AGAP1: variants seen among roughly 807,000 people sequenced by gnomAD.
AGAP1 encodes the protein ArfGAP with GTPase domain, ankyrin repeat and PH domain 1.
Under a neutral mutation model 105.3 loss-of-function variants are expected in AGAP1, and 29 were observed. The ratio of observed to expected loss-of-function variants is 0.28; its 90% CI spans 0.21 to 0.38. The LOEUF is 0.38. Ranked by LOEUF, AGAP1 falls within the 10% of genes least tolerant of loss-of-function variation. The pLI is 1.00. For synonymous variants in AGAP1, 509 were observed against 485.9 expected (o/e 1.05, Z -0.63); for missense variants, 998 against 1,165.1 (o/e 0.86, Z 2.09).
At position 235,866,622 on chromosome 2, in the gene AGAP1, G is replaced by C. The variant is rs201342038; in HGVS notation, c.1051-16723G>C. 3.3e-5 allele frequency among the ~76,000 whole-genome samples: 5 copies of C among 152,230 alleles called. No individual in the cohort carries two copies. Among genetic ancestry groups the C allele is most frequent in the Non-Finnish European group, 7.3e-5 (5 of 68,050 alleles). On this transcript the variant is annotated intron_variant, in intron 9 of 17. Coordinates refer to ENST00000304032, the MANE Select transcript of AGAP1 (RefSeq NM_001037131.3). This position sits in a 1 kb window ranked among gnomAD's most constrained non-coding sequence, Gnocchi z 6.1. ...GCACAGCCTGTTCATGCACCTGTGTGTGTGAGTCAGCTCAAACTGCCATAA... is the reference window on the plus strand; with the variant it reads ...GCACAGCCTGTTCATGCACCTGTGTCTGTGAGTCAGCTCAAACTGCCATAA...
Position 235,962,928 on chromosome 2 carries a change from A to G in AGAP1, c.1484-5534A>G, listed in dbSNP as rs1376648767. The stretch of plus-strand genomic sequence containing the variant: ...TTGATACCCAGAAACGTCTCCAGCC[A>G]TTGCCAGAGGTCCTGGGTGGGGGTT... On this transcript the variant is annotated intron_variant, in intron 12 of 17. Coordinates refer to ENST00000304032, the MANE Select transcript of AGAP1 (RefSeq NM_001037131.3). This position sits in a 1 kb window ranked among gnomAD's most constrained non-coding sequence, Gnocchi z 5.3. Among the ~76,000 whole-genome samples, 1 of 152,080 alleles carries G rather than the reference A, an allele frequency of 6.6e-6. No homozygotes were observed. Among genetic ancestry groups the G allele is most frequent in the African/African-American group, 2.4e-5 (1 of 41,412 alleles).
chr2:236,043,285 G>A (rs1244483927), intron 15 of AGAP1, among the ~76,000 whole-genome samples: 1 of 152,334 alleles, frequency 6.6e-6, no homozygotes, highest in East Asian at 1.9e-4. Context: ...CAATGGGATT[G>A]AGTAAGGCGG....
intron 1 of AGAP1, among the ~76,000 whole-genome samples, chr2:235,595,024 G>T (rs1161710170): frequency 6.6e-6 from 1 of 151,932 alleles, no homozygotes; most frequent in Non-Finnish European, 1.5e-5. Flanking sequence ...GCACCTCCCG[G>T]CATGTGGACG....
chr2:235,933,067 G>A (rs887401463), intron 12 of AGAP1, among the ~76,000 whole-genome samples: 4 of 152,220 alleles, frequency 2.6e-5, no homozygotes, highest in Admixed American at 2.0e-4. Context: ...GATGCCCCAG[G>A]TGTCAGCCTG....
intron 12 of AGAP1, among the ~76,000 whole-genome samples, chr2:235,941,959 T>A (rs139263143): frequency 6.6e-6 from 1 of 152,186 alleles, no homozygotes; most frequent in Admixed American, 6.5e-5. Flanking sequence ...TTGCCCGTGA[T>A]CCTGAGCCAG....
intron 1 of AGAP1, among the ~76,000 whole-genome samples, chr2:235,497,092 G>A (rs757528653): frequency 1.3e-5 from 2 of 152,188 alleles, no homozygotes; most frequent in Non-Finnish European, 2.9e-5. Flanking sequence ...ATTTTTGCAT[G>A]TATAGTCTCA....
chr2:235,794,130 C>A (rs1471490303), intron 6 of AGAP1, among the ~76,000 whole-genome samples: 1 of 152,158 alleles, frequency 6.6e-6, no homozygotes, highest in African/African-American at 2.4e-5. Context: ...CCTTCTGACC[C>A]CATGGTGAGG....
At chr2:235,512,305 T>C (rs568778240) in intron 1 of AGAP1, among the ~76,000 whole-genome samples, 61 of 152,276 alleles carry the variant, frequency 4.0e-4, no homozygotes, top group Non-Finnish European at 7.6e-4. Flanking sequence ...GACATAAGAA[T>C]AAGAAAATTG....
chr2:235,702,934 G>GTTTTTTTTGTTTTTT lies in AGAP1; in HGVS notation c.164-6237_164-6236insGTTTTTTTTTTTTTT, dbSNP rs1950326916. ...TGGTCACTGTGAGCCAGTTTTCTTG[G>GTTTTTTTTGTTTTTT]TTTTTTTTTTTTGGACAGAGTCTGG... On this transcript the variant is annotated intron_variant, in intron 1 of 17. Coordinates refer to ENST00000304032, the MANE Select transcript of AGAP1 (RefSeq NM_001037131.3). 2.2e-5 allele frequency among the ~76,000 whole-genome samples: 2 copies of GTTTTTTTTGTTTTTT among 88,946 alleles called. 1 individual carries two copies. The highest frequency in any genetic ancestry group is 1.2e-3 in the East Asian group (2 of 1,736). 58.4% of individuals were successfully genotyped at this position (88,946 alleles called of 152,430 possible).
intron 1 of AGAP1, among the ~76,000 whole-genome samples, chr2:235,619,720 A>G (rs1327819466): frequency 6.6e-6 from 1 of 152,198 alleles, no homozygotes; most frequent in Non-Finnish European, 1.5e-5. Flanking sequence ...GATTGCCAAG[A>G]GGCGGCCAGC....
Position 235,882,667 on chromosome 2 carries a change from A to G in AGAP1, c.1051-678A>G, listed in dbSNP as rs1002409608. 6.6e-6 allele frequency among the ~76,000 whole-genome samples: 1 copy of G among 152,040 alleles called. No homozygotes were observed. Among genetic ancestry groups the G allele is most frequent in the East Asian group, 1.9e-4 (1 of 5,180 alleles). ...TTAGTAGAGACAGGGTTTCACCAATATTGGCCATGGTTGGCCAGGCTGGCC... is the reference window on the plus strand; with the variant it reads ...TTAGTAGAGACAGGGTTTCACCAATGTTGGCCATGGTTGGCCAGGCTGGCC... On this transcript the variant is annotated intron_variant, in intron 9 of 17. Transcript: ENST00000304032. This position sits in a 1 kb window ranked among gnomAD's most constrained non-coding sequence, Gnocchi z 4.6.
chr2:236,028,386 G>A (rs187096643), intron 13 of AGAP1, among the ~76,000 whole-genome samples: 37 of 152,238 alleles, frequency 2.4e-4, no homozygotes, highest in African/African-American at 7.7e-4. Flanking sequence ...GAGTGGCTGC[G>A]GATACCAAGT....
In AGAP1 at chr2:235,792,177, T is replaced by C. The variant is rs12471567; in HGVS notation, c.674-5582T>C. Among the ~76,000 whole-genome samples the C allele has an allele frequency of 0.51, 78,245 of 151,962 alleles. 21,105 individuals are homozygous for C. The highest frequency in any genetic ancestry group is 0.85 in the East Asian group (4,403 of 5,168). ...GGAACCCTCTTCCCAAACGTGGGCTTGATTTACACCGAGTCATTAGTTGTC... is the reference window on the plus strand; with the variant it reads ...GGAACCCTCTTCCCAAACGTGGGCTCGATTTACACCGAGTCATTAGTTGTC... On this transcript the variant is annotated intron_variant, in intron 6 of 17. Coordinates refer to ENST00000304032, the MANE Select transcript of AGAP1 (RefSeq NM_001037131.3). This position sits in a 1 kb window ranked among gnomAD's most constrained non-coding sequence, Gnocchi z 5.3.
In AGAP1 at chr2:235,964,817, C is replaced by A. The variant is rs2054323924; in HGVS notation, c.1484-3645C>A. On this transcript the variant is annotated intron_variant, in intron 12 of 17. Coordinates refer to ENST00000304032, the MANE Select transcript of AGAP1 (RefSeq NM_001037131.3). This position sits in a 1 kb window ranked among gnomAD's most constrained non-coding sequence, Gnocchi z 4.6. ...AGGTGAAAGTCTGGGAGGAGAAGGA[C>A]CTCGTGGAGCTGGCCGCACAGTCTA... Among the ~76,000 whole-genome samples, 1 of 152,128 alleles carries A rather than the reference C, an allele frequency of 6.6e-6. No individual in the cohort carries two copies. Among genetic ancestry groups the A allele is most frequent in the Non-Finnish European group, 1.5e-5 (1 of 68,028 alleles).
intron 1 of AGAP1, among the ~76,000 whole-genome samples, chr2:235,562,721 G>T (rs1269534473): frequency 6.6e-6 from 1 of 152,190 alleles, no homozygotes; most frequent in Non-Finnish European, 1.5e-5. Context: ...GCAGCTGGGT[G>T]ACCCTGGGCA....
intron 1 of AGAP1, among the ~76,000 whole-genome samples, chr2:235,653,323 G>A (rs1278326385): frequency 1.3e-5 from 2 of 151,620 alleles, no homozygotes; most frequent in Non-Finnish European, 2.9e-5. Flanking sequence ...AATTAGCCTG[G>A]TGTGGTGGCG....
chr2:235,772,905 C>A (rs918899349), intron 6 of AGAP1, among the ~76,000 whole-genome samples: 1 of 152,162 alleles, frequency 6.6e-6, no homozygotes, highest in Non-Finnish European at 1.5e-5. Context: ...CGGGATGGCT[C>A]TGTTTGATTT....
At chr2:235,832,069 A>T (rs1959481153) in intron 9 of AGAP1, among the ~76,000 whole-genome samples, 2 of 152,076 alleles carry the variant, frequency 1.3e-5, no homozygotes, top group African/African-American at 4.8e-5. Context: ...TATAATGTGG[A>T]GCATCTTTTC....
intron 1 of AGAP1, among the ~76,000 whole-genome samples, chr2:235,668,126 G>GA (rs1447470143): frequency 2.0e-5 from 3 of 152,134 alleles, no homozygotes; most frequent in Non-Finnish European, 2.9e-5. Flanking sequence ...CTGTGATGGT[G>GA]AAAATCATGT....
Sources: gnomAD v4.1 joint callset for allele counts (sites outside exome capture counted in the v4.1 genomes callset) on GRCh38, gnomAD v4.1.1 for gene constraint, Gnocchi (gnomAD v3.1) non-coding constraint, MANE v1.5 for transcripts, NCBI Gene and HGNC (gene_info 2026-07-23, HGNC 2026-07-21) for gene names.